Variants in CEMIP2 observed in about 807,000 individuals in gnomAD.
CEMIP2 encodes cell surface hyaluronidase CEMIP2.
In CEMIP2, 79 loss-of-function variants were observed where a neutral mutation model predicts 146.9. The ratio of observed to expected loss-of-function variants is 0.54; its 90% confidence interval spans 0.45 to 0.65. The LOEUF is 0.65. Ranked by LOEUF, CEMIP2 falls within the 30% of genes least tolerant of loss-of-function variation. CEMIP2 has a pLI of 0.00. For synonymous variants in CEMIP2, 601 were observed against 606.3 expected, an observed-to-expected ratio of 0.99 and a Z score of 0.13; for missense variants, 1,596 against 1,696.2, an observed-to-expected ratio of 0.94 and a Z score of 1.04.
In CEMIP2 at chr9:71,732,686, A is replaced by ATTT. The variant is rs59985618; in HGVS notation, c.1394-169_1394-167dup. On this transcript the variant is annotated intron_variant, in intron 6 of 23. Coordinates refer to ENST00000377044, the MANE Select transcript of CEMIP2 (RefSeq NM_013390.3). ...GAATCAGAATCCCAGGACACGGGGAATTTTTTTTTTTTTTTTTTTTTTTTT... is the reference window on the plus strand; with the variant it reads ...GAATCAGAATCCCAGGACACGGGGAATTTTTTTTTTTTTTTTTTTTTTTTTTTT... Among the ~76,000 whole-genome samples the ATTT allele has an allele frequency of 4.2e-3, 322 of 75,876 alleles. 38 individuals carry two copies. The highest frequency in any genetic ancestry group is 8.1e-3 in the African/African-American group (131 of 16,100). 49.8% of individuals were successfully genotyped at this position (75,876 alleles called of 152,430 possible). A position where few individuals can be genotyped will look rare whatever the true frequency, so the allele number is the denominator to read the frequency against.
chr9:71,697,397 G>C (rs959019860), intron 20 of CEMIP2, among the ~76,000 whole-genome samples: 1 of 152,022 alleles, frequency 6.6e-6, no homozygotes, highest in Non-Finnish European at 1.5e-5. Context: ...TCCAGTAGGC[G>C]GCCATCTAAT....
Position 71,698,222 on chromosome 9 carries a change from C to A in CEMIP2, c.3378-18G>T. ...ACAGTAACCTGCACAAAACAGAAAC[C>A]AATCCATGTAGTTAGACTTATTCTC... is the stretch of plus-strand genomic sequence containing the variant. On this transcript the variant is annotated intron_variant, in intron 19 of 23. Coordinates refer to ENST00000377044, the MANE Select transcript of CEMIP2 (RefSeq NM_013390.3). 1 of 1,609,912 alleles carries A rather than the reference C, an allele frequency of 6.2e-7. No individual in the cohort carries two copies. Among genetic ancestry groups the A allele is most frequent in the Non-Finnish European group, 8.5e-7 (1 of 1,176,656 alleles).
At position 71,730,817 on chromosome 9, in the gene CEMIP2, C is replaced by G; in HGVS notation, c.1661G>C (p.Cys554Ser). ...TCCTCCTTTATAATCCACGTCACCA[C>G]ACAGGTGAAAATGAACAGGGTATCG... Reference protein sequence around the residue: ...MGRYPVHFHLCGDVDYKGGYR... With the variant: ...MGRYPVHFHLSGDVDYKGGYR... Residue 554 changes from cysteine to serine, a missense_variant, in exon 8 of 24, where the codon TGT (cysteine) becomes TCT (serine). Cys to Ser is a moderately radical substitution (Grantham distance 112). Coordinates refer to ENST00000377044, the MANE Select transcript of CEMIP2 (RefSeq NM_013390.3). 1 of 1,614,194 alleles carries G rather than the reference C, an allele frequency of 6.2e-7. No homozygotes were observed. Among genetic ancestry groups the G allele is most frequent in the Non-Finnish European group, 8.5e-7 (1 of 1,180,038 alleles).
At chr9:71,750,445 ATTTAT>A in intron 1 of CEMIP2, 60 bp from the exon 2 acceptor site, 1 of 1,177,924 alleles carries the variant, frequency 8.5e-7, no homozygotes, top group African/African-American at 1.6e-5. Context: ...AATTTCTTTT[ATTTAT>A]TTATTTATGA....
At chr9:71,752,661 C>G (rs1245365051) in intron 1 of CEMIP2, among the ~76,000 whole-genome samples, 2 of 151,948 alleles carry the variant, frequency 1.3e-5, no homozygotes, top group African/African-American at 4.8e-5. Context: ...AATACCCTTA[C>G]AATTAATCCC....
At chr9:71,758,879 G>C (rs535186398) in intron 1 of CEMIP2, among the ~76,000 whole-genome samples, 72 of 152,190 alleles carry the variant, frequency 4.7e-4, no homozygotes, top group Non-Finnish European at 1.5e-5. Flanking sequence ...CCCACAAGGC[G>C]CATTCTCCAT....
Position 71,745,164 on chromosome 9 carries a change from C to T in CEMIP2, c.888G>A (p.Arg296=). The change falls in exon 4 of 24, where the codon CGG becomes CGA. Residue 296 remains arginine, a synonymous_variant. Coordinates refer to ENST00000377044, the MANE Select transcript of CEMIP2 (RefSeq NM_013390.3). ...CCTGGAATCTCAGAAACTCCTGAAG[C>T]CGCCTGCTCTCATTGCGGTATTCAT... ...DTHEYRNESR[R]LQEFLRFQDP... 6.2e-7 allele frequency: 1 copy of T among 1,614,158 alleles called. No homozygotes were observed. The highest frequency in any genetic ancestry group is 8.5e-7 in the Non-Finnish European group (1 of 1,180,012).
chr9:71,709,128 G>A, intron 17 of CEMIP2, 131 bp downstream of exon 17: 3 of 839,874 alleles, frequency 3.6e-6, no homozygotes, highest in Non-Finnish European at 5.8e-6. Flanking sequence ...AGAAAGGACA[G>A]GACAGGACAG....
In CEMIP2 at chr9:71,730,693, G is replaced by T. The variant is rs771343910; in HGVS notation, c.1773+12C>A. The T allele has an allele frequency of 9.9e-6, 16 of 1,613,390 alleles. No individual in the cohort carries two copies. The highest frequency in any genetic ancestry group is 2.5e-6 in the Non-Finnish European group (3 of 1,179,532). ...TCAATAATATGGGTTGACCTAATGC[G>T]AGGCTACTTACTAGCAAGCCATTTG... On this transcript the variant is annotated intron_variant, in intron 8 of 23. Transcript: ENST00000377044.
chr9:71,728,280 T>TACACGTATATACAC (rs1491467360), intron 10 of CEMIP2, among the ~76,000 whole-genome samples: 1 of 12,652 alleles, frequency 7.9e-5, no homozygotes, highest in African/African-American at 2.2e-4. Context: ...TATATATATA[T>TACACGTATATACAC]GTATATATAT....
At chr9:71,757,330 T>C (rs1008333852) in intron 1 of CEMIP2, among the ~76,000 whole-genome samples, 1 of 152,244 alleles carries the variant, frequency 6.6e-6, no homozygotes, top group African/African-American at 2.4e-5. Flanking sequence ...AGCCAAGAAG[T>C]TGGCACGATC....
chr9:71,703,035 C>T (rs1822619624), intron 18 of CEMIP2, among the ~76,000 whole-genome samples: 2 of 152,168 alleles, frequency 1.3e-5, no homozygotes, highest in Non-Finnish European at 2.9e-5. Context: ...ATTGACTTCT[C>T]TGCAACTCAC....
intron 20 of CEMIP2, 67 bp downstream of exon 20, chr9:71,697,918 C>T (rs1822445756): frequency 6.7e-7 from 1 of 1,486,288 alleles, no homozygotes; most frequent in Non-Finnish European, 9.2e-7. Context: ...AAGAAAAGTG[C>T]TCCTATTGCA....
chr9:71,722,515 C>T lies in CEMIP2; in HGVS notation c.2179G>A (p.Ala727Thr), dbSNP rs1166913062. Reference sequence around the variant, plus strand: ...ACACCTTTGTCAATAAATAAGCCAGCCTGAAAAATATAAATAATGGACTGG... The same window carrying T: ...ACACCTTTGTCAATAAATAAGCCAGTCTGAAAAATATAAATAATGGACTGG... ...YNNRVHSNFK[A>T]GLFIDKGVKT... The change falls in exon 12 of 24, where the codon GCT becomes ACT. Residue 727 changes from alanine (A) to threonine (T), a missense_variant and splice_region_variant. Physicochemically the swap from Ala to Thr is moderately conservative, Grantham distance 58. Coordinates refer to ENST00000377044, the MANE Select transcript of CEMIP2 (RefSeq NM_013390.3). The T allele has an allele frequency of 1.2e-6, 2 of 1,609,750 alleles. No homozygotes were observed. Among genetic ancestry groups the T allele is most frequent in the African/African-American group, 1.3e-5 (1 of 74,716 alleles).
chr9:71,691,638 A>C (rs1822230917), intron 21 of CEMIP2, among the ~76,000 whole-genome samples: 2 of 152,170 alleles, frequency 1.3e-5, no homozygotes, highest in Middle Eastern at 6.8e-3. Flanking sequence ...AAGTATCCCC[A>C]AAGCCTGTTG....
intron 17 of CEMIP2, among the ~76,000 whole-genome samples, chr9:71,706,450 C>T (rs1564001360): frequency 6.6e-6 from 1 of 152,064 alleles, no homozygotes; most frequent in African/African-American, 2.4e-5. Flanking sequence ...CCAGTGCCCC[C>T]TGAGGAGTAT....
intron 23 of CEMIP2, 152 bp from the exon 24 acceptor site, chr9:71,685,545 C>A: frequency 9.5e-7 from 1 of 1,051,294 alleles, no homozygotes; most frequent in Non-Finnish European, 1.3e-6. Context: ...TGAACTCTCA[C>A]CACCCACCTT....
rs1823112470 is a variant in CEMIP2, at chr9:71,717,904, A to G, written c.2399+44T>C. 2.6e-6 allele frequency: 4 copies of G among 1,539,010 alleles called. No homozygotes were observed. The East Asian group carries it at 9.2e-5, about 36-fold the overall frequency. On this transcript the variant is annotated intron_variant, in intron 13 of 23. Coordinates refer to ENST00000377044, the MANE Select transcript of CEMIP2 (RefSeq NM_013390.3). ...GGCTTTAAAAAAAATCTGAAAAATA[A>G]TACATCAGTGTCATCATATAATAAC...
At chr9:71,749,975 A>T in intron 2 of CEMIP2, 68 bp downstream of exon 2, 1 of 1,409,228 alleles carries the variant, frequency 7.1e-7, no homozygotes, top group Non-Finnish European at 9.5e-7. Flanking sequence ...ATTTTTTTTT[A>T]AGTATTCTAC....
Sources: gnomAD v4.1 joint callset for allele counts (sites outside exome capture counted in the v4.1 genomes callset) on GRCh38, gnomAD v4.1.1 for gene constraint, MANE v1.5 for transcripts, NCBI Gene and HGNC (gene_info 2026-07-23, HGNC 2026-07-21) for gene names.